RAD51D: variants seen among roughly 807,000 people sequenced by gnomAD.
RAD51D encodes the protein DNA repair protein RAD51 homolog 4.
A neutral mutation model predicts 44.1 loss-of-function variants in RAD51D; 38 were observed. The ratio of observed to expected loss-of-function variants is 0.86; its 90% CI spans 0.67 to 1.13. The LOEUF is 1.13. RAD51D is among the 50% of genes most tolerant of loss of function. The pLI is 0.00. For synonymous variants in RAD51D, 141 were observed against 166.6 expected (o/e 0.85, Z 1.18); for missense variants, 390 against 414.0 (o/e 0.94, Z 0.50).
Position 35,099,026 on chromosome 17 carries a change from T to C in RAD51D, c.*1927A>G, listed in dbSNP as rs1345260513. On this transcript the variant is annotated 3_prime_UTR_variant, in exon 10 of 10. Transcript: ENST00000345365. ...GCCTAGCTAATTTAAAAAATTTTTT[T>C]GTAGAAACGATGTCTCATCATGTTG... The C allele has an allele frequency of 6.6e-6, 1 of 152,050 alleles. No homozygotes were observed. The highest frequency in any genetic ancestry group is 1.5e-5 in the Non-Finnish European group (1 of 68,016). The allele number at this position is 152,050 out of a possible 1,614,324, so 9.4% of individuals were successfully genotyped here. A position where few individuals can be genotyped will look rare whatever the true frequency, so the allele number is the denominator to read the frequency against.
chr17:35,100,871 G>A lies in RAD51D; in HGVS notation c.*82C>T. The A allele has an allele frequency of 8.7e-7, 1 of 1,150,888 alleles. No individual in the cohort carries two copies. The highest frequency in any genetic ancestry group is 1.3e-6 in the Non-Finnish European group (1 of 759,920). The allele number at this position is 1,150,888 out of a possible 1,614,324, so 71.3% of individuals were successfully genotyped here. ...ACGTCTGTAGTCACCAGTGCCAGGTGGCAGTAAACAGCAGGCGTTACTGGG... is the reference window on the plus strand; with the variant it reads ...ACGTCTGTAGTCACCAGTGCCAGGTAGCAGTAAACAGCAGGCGTTACTGGG... On this transcript the variant is annotated 3_prime_UTR_variant, in exon 10 of 10. Coordinates refer to ENST00000345365, the MANE Select transcript of RAD51D (RefSeq NM_002878.4).
chr17:35,115,277 C>A, intron 3 of RAD51D: 1 of 518,328 alleles, frequency 1.9e-6, no homozygotes, highest in Non-Finnish European at 3.9e-6. Flanking sequence ...CACTTCAATG[C>A]CTCATATTTC....
At position 35,103,603 on chromosome 17, in the gene RAD51D, A is replaced by T. The variant is rs2142421774; in HGVS notation, c.577-59T>A. On this transcript the variant is annotated intron_variant, in intron 6 of 9. Coordinates refer to ENST00000345365, the MANE Select transcript of RAD51D (RefSeq NM_002878.4). The surrounding 1 kb of genome is among the most constrained non-coding windows in gnomAD (Gnocchi z 4.1). ...GTCAGCCTCTAGGACACATTACAGG[A>T]CAAGCTTGCTTTTCTATCTAAAACT... The T allele has an allele frequency of 7.3e-7, 1 of 1,362,890 alleles. No individual in the cohort carries two copies. The highest frequency in any genetic ancestry group is 1.0e-6 in the Non-Finnish European group (1 of 955,308). The allele number at this position is 1,362,890 out of a possible 1,614,324, so 84.4% of individuals were successfully genotyped here.
rs1325605461 is a variant in RAD51D, at chr17:35,101,191, G to C, written c.903+10C>G. 1 of 1,614,134 alleles carries C rather than the reference G, an allele frequency of 6.2e-7. No individual in the cohort carries two copies. Among genetic ancestry groups the C allele is most frequent in the East Asian group, 2.2e-5 (1 of 44,880 alleles). ...CCAAGATTACTGGCATCTTCCTGGG[G>C]CTGGCTCACCTGTCGGGAAGATTTG... On this transcript the variant is annotated intron_variant, in intron 9 of 9. Transcript: ENST00000345365.
Position 35,103,618 on chromosome 17 carries a change from T to C in RAD51D, c.577-74A>G. On this transcript the variant is annotated intron_variant, in intron 6 of 9. Coordinates refer to ENST00000345365, the MANE Select transcript of RAD51D (RefSeq NM_002878.4). The surrounding 1 kb of genome is among the most constrained non-coding windows in gnomAD (Gnocchi z 4.1). ...ACATTACAGGACAAGCTTGCTTTTC[T>C]ATCTAAAACTAGTAAGAAATAGCCC... 2 of 1,157,180 alleles carry C rather than the reference T, an allele frequency of 1.7e-6. No homozygotes were observed. Among genetic ancestry groups the C allele is most frequent in the Non-Finnish European group, 2.6e-6 (2 of 777,624 alleles). The allele number at this position is 1,157,180 out of a possible 1,614,324, so 71.7% of individuals were successfully genotyped here.
At chr17:35,107,247 C>T (rs879067821) in intron 4 of RAD51D, 119 bp downstream of exon 4, 4 of 1,466,620 alleles carry the variant, frequency 2.7e-6, no homozygotes, top group Non-Finnish European at 3.8e-6. Context: ...TCCTTATTAC[C>T]CATCTTCTCT....
chr17:35,114,477 T>G (rs1210783374), intron 3 of RAD51D, among the ~76,000 whole-genome samples: 1 of 151,630 alleles, frequency 6.6e-6, no homozygotes, highest in Non-Finnish European at 1.5e-5. Context: ...GCCCAGGAAT[T>G]TGAGACCAGC....
At chr17:35,106,534 G>T in intron 5 of RAD51D, 53 bp from the exon 6 acceptor site, 4 of 1,376,094 alleles carry the variant, frequency 2.9e-6, no homozygotes, top group African/African-American at 1.4e-5. Context: ...GAGTAGGGGG[G>T]TCAAGGTAAG....
At position 35,104,206 on chromosome 17, in the gene RAD51D, C is replaced by T. The variant is rs934817163; in HGVS notation, c.577-662G>A. On this transcript the variant is annotated intron_variant, in intron 6 of 9. Coordinates refer to ENST00000345365, the MANE Select transcript of RAD51D (RefSeq NM_002878.4). ...CATCTCTCTCCTGTGTCCAGCCTCCCACCATGGTGGTAAGGCCCTTCTTTT... is the reference window on the plus strand; with the variant it reads ...CATCTCTCTCCTGTGTCCAGCCTCCTACCATGGTGGTAAGGCCCTTCTTTT... Among the ~76,000 whole-genome samples the T allele has an allele frequency of 3.3e-4, 51 of 152,308 alleles. 1 individual carries two copies. Among genetic ancestry groups the T allele is most frequent in the African/African-American group, 1.2e-3 (50 of 41,578 alleles).
chr17:35,113,273 T>A (rs1392917714), intron 3 of RAD51D, among the ~76,000 whole-genome samples: 12 of 150,976 alleles, frequency 7.9e-5, no homozygotes, highest in Non-Finnish European at 1.5e-4. Context: ...TCCCATCCAT[T>A]TTTTTTTTCT....
rs200995160 is a variant in RAD51D, at chr17:35,118,451, A to C, written c.263+50T>G. On this transcript the variant is annotated intron_variant, in intron 3 of 9. Transcript: ENST00000345365. Reference sequence around the variant, plus strand: ...AAGCATCAAAAGCAGAGCTGAGAGGAGGCCCCATCCTCCTGCCTCTCTCCT... The same window carrying C: ...AAGCATCAAAAGCAGAGCTGAGAGGCGGCCCCATCCTCCTGCCTCTCTCCT... 2.1e-4 allele frequency: 309 copies of C among 1,476,528 alleles called. No homozygotes were observed. The African/African-American group carries it at 3.9e-3, about 19-fold the overall frequency. The allele number at this position is 1,476,528 out of a possible 1,614,324, so 91.5% of individuals were successfully genotyped here.
chr17:35,109,667 T>C (rs1309523769), intron 3 of RAD51D, among the ~76,000 whole-genome samples: 1 of 152,096 alleles, frequency 6.6e-6, no homozygotes, highest in Non-Finnish European at 1.5e-5. Flanking sequence ...TTAATAGTGT[T>C]GAACTTTTTT....
In RAD51D at chr17:35,101,302, AG is replaced by A. The variant is rs2142411904; in HGVS notation, c.801del (p.Trp268GlyfsTer42). 6.2e-7 allele frequency: 1 copy of A among 1,614,192 alleles called. No homozygotes were observed. The highest frequency in any genetic ancestry group is 8.5e-7 in the Non-Finnish European group (1 of 1,180,034). On this transcript the variant is annotated frameshift_variant, in exon 9 of 10. Transcript: ENST00000345365. LOFTEE classifies it high-confidence loss of function. The stretch of plus-strand genomic sequence containing the variant: ...ATCCGAGTGCTGGGCACAAAGCTCC[AG>A]GAGCGTCCGAGGGCAGGTTTGAGCC... The part of the protein sequence containing the change: ...SGRLKPALGR[S>X]WSFVPSTRIL...
rs761640492 is a variant in RAD51D at position 35,100,566 on chromosome 17, C to G, written c.*387G>C. The stretch of plus-strand genomic sequence containing the variant: ...AGCAGCAGCAAAGGCAAGTTAGAGG[C>G]TTTCCCGGCTTGGCCACTGCGCTAG... On this transcript the variant is annotated 3_prime_UTR_variant, in exon 10 of 10. Transcript: ENST00000345365. The G allele has an allele frequency of 3.7e-6, 2 of 547,588 alleles. No individual in the cohort carries two copies. Among genetic ancestry groups the G allele is most frequent in the South Asian group, 3.1e-5 (2 of 65,268 alleles). 33.9% of individuals were successfully genotyped at this position (547,588 alleles called of 1,614,324 possible). A position where few individuals can be genotyped will look rare whatever the true frequency, so the allele number is the denominator to read the frequency against.
Position 35,106,412 on chromosome 17 carries a change from C to T in RAD51D, c.550G>A (p.Glu184Lys), listed in dbSNP as rs200009601. 9 of 1,613,262 alleles carry T rather than the reference C, an allele frequency of 5.6e-6. No homozygotes were observed. In the East Asian group the frequency reaches 2.0e-4, roughly 36 times the overall value. ...TGCTGGGCCACAGTGCCTCGGAGCT[C>T]CTGCAGCACATCCAGCATCTGGAAG... The part of the protein sequence containing the change: ...DIFQMLDVLQ[E>K]LRGTVAQQVT... The change falls in exon 6 of 10, where the codon GAG becomes AAG. Residue 184 changes from glutamate (E) to lysine (K), a missense_variant. Glu to Lys is a moderately conservative substitution (Grantham distance 56). Coordinates refer to ENST00000345365, the MANE Select transcript of RAD51D (RefSeq NM_002878.4).
intron 3 of RAD51D, among the ~76,000 whole-genome samples, chr17:35,117,332 G>A (rs2091762483): frequency 6.6e-6 from 1 of 152,180 alleles, no homozygotes; most frequent in Non-Finnish European, 1.5e-5. Flanking sequence ...ATGTGTTAAG[G>A]AAACAGAAAG....
intron 3 of RAD51D, among the ~76,000 whole-genome samples, chr17:35,115,984 A>AGAAAGAAAGAAAGAAG (rs2091738993): frequency 6.6e-6 from 1 of 151,282 alleles, no homozygotes; most frequent in Admixed American, 6.6e-5. Flanking sequence ...AAAGAAAGAA[A>AGAAAGAAAGAAAGAAG]GAAAGAAAGA....
At chr17:35,118,669 G>T (rs2142475397) in intron 2 of RAD51D, 50 bp from the exon 3 acceptor site, 2 of 1,389,128 alleles carry the variant, frequency 1.4e-6, no homozygotes, top group Non-Finnish European at 2.0e-6. Flanking sequence ...GTAGAAGCTG[G>T]CATCCCAGGG....
chr17:35,116,005 G>GAAAGAAAGAAAGAAAGA (rs1249763609), intron 3 of RAD51D, among the ~76,000 whole-genome samples: 46 of 148,044 alleles, frequency 3.1e-4, no homozygotes, highest in African/African-American at 1.1e-3. Flanking sequence ...AAGAAAGAAA[G>GAAAGAAAGAAAGAAAGA]AAAGAAAGGC....
Sources: gnomAD v4.1 joint callset for allele counts (sites outside exome capture counted in the v4.1 genomes callset) on GRCh38, gnomAD v4.1.1 for gene constraint, Gnocchi (gnomAD v3.1) non-coding constraint, MANE v1.5 for transcripts, NCBI Gene and HGNC (gene_info 2026-07-23, HGNC 2026-07-21) for gene names.